MYO9B: variants seen among roughly 807,000 people sequenced by gnomAD.
MYO9B encodes unconventional myosin-IXb.
A neutral mutation model predicts 229.5 loss-of-function variants in MYO9B; 71 were observed. The ratio of observed to expected loss-of-function variants is 0.31; its 90% CI spans 0.26 to 0.38. The LOEUF (loss-of-function observed/expected upper bound fraction) is 0.38, where lower values mean the gene tolerates loss of function less well. Among genes scored for constraint, MYO9B ranks in the 10% least tolerant of loss-of-function variants. MYO9B has a pLI of 1.00. For missense variants in MYO9B, 2,255 were observed against 2,920.5 expected (o/e 0.77, Z 5.25); for synonymous variants, 1,185 against 1,235.8 (o/e 0.96, Z 0.86).
chr19:17,085,931 G>A (rs2057578586), intron 1 of MYO9B, among the ~76,000 whole-genome samples: 1 of 152,044 alleles, frequency 6.6e-6, no homozygotes, highest in African/African-American at 2.4e-5. Flanking sequence ...TTCGTTACAA[G>A]CCCACAGGTC....
At chr19:17,085,782 CAT>C (rs1364464735) in intron 1 of MYO9B, among the ~76,000 whole-genome samples, 22 of 152,282 alleles carry the variant, frequency 1.4e-4, no homozygotes, top group Admixed American at 9.8e-4. Flanking sequence ...GCCTGGGCAA[CAT>C]AGGGAGACCC....
chr19:17,153,106 G>A (rs2072497074), intron 4 of MYO9B, among the ~76,000 whole-genome samples: 1 of 152,098 alleles, frequency 6.6e-6, no homozygotes, highest in Non-Finnish European at 1.5e-5. Flanking sequence ...CCACACTTCA[G>A]CCTGGGCAAC....
chr19:17,186,550 C>T (rs567930471), intron 18 of MYO9B, among the ~76,000 whole-genome samples: 14 of 152,230 alleles, frequency 9.2e-5, no homozygotes, highest in Middle Eastern at 3.4e-3. Flanking sequence ...AGGAACCTCC[C>T]GCCAACTGTA....
intron 2 of MYO9B, among the ~76,000 whole-genome samples, chr19:17,134,768 T>G (rs1391792004): frequency 6.6e-5 from 10 of 152,046 alleles, no homozygotes; most frequent in African/African-American, 2.2e-4. Flanking sequence ...CTGTGGGGTT[T>G]TTTGTTTTTT....
intron 7 of MYO9B, among the ~76,000 whole-genome samples, chr19:17,158,563 C>T (rs2072562010): frequency 6.6e-6 from 1 of 151,654 alleles, no homozygotes; most frequent in Non-Finnish European, 1.5e-5. Context: ...CCACTGCACT[C>T]CAGCCTGAGC....
At chr19:17,120,658 AAAAAGATAGAT>A (rs2057954056) in intron 2 of MYO9B, among the ~76,000 whole-genome samples, 3 of 150,806 alleles carry the variant, frequency 2.0e-5, no homozygotes, top group Non-Finnish European at 2.9e-5. Context: ...AAAAAAAAAA[AAAAAGATAGAT>A]AGATAGATAT....
chr19:17,118,696 T>C (rs2057931808), intron 2 of MYO9B, among the ~76,000 whole-genome samples: 1 of 152,130 alleles, frequency 6.6e-6, no homozygotes, highest in Non-Finnish European at 1.5e-5. Context: ...TTGGCCAGGC[T>C]GGTCTTAAAC....
chr19:17,145,557 A>G (rs1311504480), intron 3 of MYO9B, 66 bp downstream of exon 3: 1 of 1,315,008 alleles, frequency 7.6e-7, no homozygotes, highest in Non-Finnish European at 1.1e-6. Flanking sequence ...CCTGACACAC[A>G]CATGGGAGTG....
chr19:17,145,004 A>C (rs2072391183), intron 2 of MYO9B, among the ~76,000 whole-genome samples: 1 of 151,236 alleles, frequency 6.6e-6, no homozygotes, highest in South Asian at 2.1e-4. Flanking sequence ...AAAAGAAAAA[A>C]TAGAGACTGG....
chr19:17,156,779 A>G, intron 6 of MYO9B, 130 bp from the exon 7 acceptor site: 1 of 1,044,970 alleles, frequency 9.6e-7, no homozygotes, highest in East Asian at 2.5e-5. Flanking sequence ...GAGGCCTTAG[A>G]CATTTTTCAA....
chr19:17,136,483 C>G (rs2072271119), intron 2 of MYO9B, among the ~76,000 whole-genome samples: 1 of 152,116 alleles, frequency 6.6e-6, no homozygotes, highest in South Asian at 2.1e-4. Flanking sequence ...ACAAAGGGAC[C>G]AGTGAGCCCC....
At chr19:17,210,952 C>T in intron 38 of MYO9B, 104 bp downstream of exon 38, 1 of 896,030 alleles carries the variant, frequency 1.1e-6, no homozygotes, top group Non-Finnish European at 1.7e-6. Context: ...TTGGTCCTGT[C>T]ATCCCTAACA....
chr19:17,106,485 G>A (rs1196490347), intron 2 of MYO9B, among the ~76,000 whole-genome samples: 2 of 152,318 alleles, frequency 1.3e-5, no homozygotes, highest in East Asian at 1.9e-4. Flanking sequence ...TCCCGAGGCC[G>A]CCCTGGCGTC....
Position 17,145,452 on chromosome 19 carries a change from T to G in MYO9B, c.896T>G (p.Phe299Cys). ...AACAACTCCAGCCGGTTTGGGAAAT[T>G]CATCCAAGTCAGCTACCTAGAGAGT... The part of the protein sequence containing the change: ...HNNNSSRFGK[F>C]IQVSYLESGI... The change falls in exon 3 of 40, where the codon TTC (phenylalanine) becomes TGC (cysteine). Residue 299 changes from phenylalanine (F) to cysteine (C), a missense_variant. Around this residue, in one of 7 missense-constraint regions of MYO9B, gnomAD observed 386 missense variants for 515.2 expected, o/e 0.75. Coordinates refer to ENST00000682292, the MANE Select transcript of MYO9B (RefSeq NM_004145.4). 1 of 1,613,926 alleles carries G rather than the reference T, an allele frequency of 6.2e-7. No individual in the cohort carries two copies. The highest frequency in any genetic ancestry group is 8.5e-7 in the Non-Finnish European group (1 of 1,179,872).
intron 2 of MYO9B, among the ~76,000 whole-genome samples, chr19:17,138,371 G>A (rs542914741): frequency 6.6e-6 from 1 of 152,292 alleles, no homozygotes; most frequent in East Asian, 1.9e-4. Context: ...ACGTGTGCAT[G>A]TATCTCTATC....
At chr19:17,078,618 G>C (rs1034252153) in intron 1 of MYO9B, among the ~76,000 whole-genome samples, 1 of 152,136 alleles carries the variant, frequency 6.6e-6, no homozygotes, top group Admixed American at 6.6e-5. Context: ...AAGATATTAT[G>C]GGGGGAGAAT....
chr19:17,200,220 A>G (rs1356418417), intron 24 of MYO9B, 73 bp from the exon 25 acceptor site: 3 of 1,526,964 alleles, frequency 2.0e-6, no homozygotes, highest in African/African-American at 2.8e-5. Context: ...CCATGTGTCC[A>G]GTCACAGGGA....
In MYO9B at chr19:17,212,157, A is replaced by G; in HGVS notation, c.6321A>G (p.Ile2107Met). ...CACCTGCCCGCCGCCCGGACCAGATACATTCCGTGTACATCACGCCCGGGG... is the reference window on the plus strand; with the variant it reads ...CACCTGCCCGCCGCCCGGACCAGATGCATTCCGTGTACATCACGCCCGGGG... ...REPPARRPDQIHSVYITPGAD... is the reference protein window; with the variant it reads ...REPPARRPDQMHSVYITPGAD... Residue 2107 changes from isoleucine (I) to methionine (M), a missense_variant, in exon 40 of 40, where the codon ATA becomes ATG. Transcript: ENST00000682292. The surrounding 1 kb of genome is among the most constrained non-coding windows in gnomAD (Gnocchi z 5.4). 2 of 1,587,156 alleles carry G rather than the reference A, an allele frequency of 1.3e-6. No individual in the cohort carries two copies. The highest frequency in any genetic ancestry group is 1.7e-6 in the Non-Finnish European group (2 of 1,167,950).
At chr19:17,156,494 A>G (rs1488051051) in intron 6 of MYO9B, among the ~76,000 whole-genome samples, 2 of 152,162 alleles carry the variant, frequency 1.3e-5, no homozygotes, top group Non-Finnish European at 2.9e-5. Context: ...CCAAGACAGG[A>G]GGATCACTTG....
Sources: gnomAD v4.1 joint callset for allele counts (sites outside exome capture counted in the v4.1 genomes callset) on GRCh38, gnomAD v4.1.1 for gene constraint, gnomAD v4.1.1 regional missense constraint, Gnocchi (gnomAD v3.1) non-coding constraint, MANE v1.5 for transcripts, NCBI Gene and HGNC (gene_info 2026-07-23, HGNC 2026-07-21) for gene names.